CREBL2: variants seen among roughly 807,000 people sequenced by gnomAD.
CREBL2 encodes cAMP responsive element binding protein like 2.
CREBL2 carries 4 observed loss-of-function variants against 19.5 expected under a neutral mutation model. The observed-to-expected ratio is 0.20, with a 90% CI of 0.10 to 0.47. The LOEUF is 0.47. Among genes scored for constraint, CREBL2 ranks in the 20% least tolerant of loss-of-function variants. The pLI is 0.98. For synonymous variants in CREBL2, 42 were observed against 46.6 expected (o/e 0.90, Z 0.40); for missense variants, 85 against 145.1 (o/e 0.59, Z 2.13).
At position 12,643,740 on chromosome 12, in the gene CREBL2, CTA is replaced by C. The variant is rs919940425; in HGVS notation, c.*1744_*1745del. 4 of 152,072 alleles carry C rather than the reference CTA, an allele frequency of 2.6e-5. No individual in the cohort carries two copies. Among genetic ancestry groups the C allele is most frequent in the Non-Finnish European group, 5.9e-5 (4 of 68,018 alleles). 9.4% of individuals were successfully genotyped at this position (152,072 alleles called of 1,614,324 possible). A position where few individuals can be genotyped will look rare whatever the true frequency, so the allele number is the denominator to read the frequency against. On this transcript the variant is annotated 3_prime_UTR_variant, in exon 4 of 4. Coordinates refer to ENST00000228865, the MANE Select transcript of CREBL2 (RefSeq NM_001310.4). The stretch of plus-strand genomic sequence containing the variant: ...ACCACTAGCCCAGTTTGCTGGGTCT[CTA>C]TGTTTTGGAAGTTGGGGGTTTAATA...
chr12:12,618,318 G>T (rs1469882561), intron 1 of CREBL2, among the ~76,000 whole-genome samples: 1 of 151,994 alleles, frequency 6.6e-6, no homozygotes, highest in African/African-American at 2.4e-5. Flanking sequence ...CTCAGACGGG[G>T]CAGCCGGGCA....
intron 1 of CREBL2, among the ~76,000 whole-genome samples, chr12:12,632,847 C>T (rs951978036): frequency 6.6e-6 from 1 of 151,268 alleles, no homozygotes; most frequent in Admixed American, 6.6e-5. Context: ...ACTAGGTCAT[C>T]CTGCAATTGC....
At chr12:12,625,715 A>G (rs1945396569) in intron 1 of CREBL2, among the ~76,000 whole-genome samples, 2 of 152,204 alleles carry the variant, frequency 1.3e-5, no homozygotes. Flanking sequence ...ACATATCCTT[A>G]TCTGTGTCTA....
At chr12:12,614,870 T>C (rs1945297551) in intron 1 of CREBL2, 1 of 256,648 alleles carries the variant, frequency 3.9e-6, no homozygotes, top group South Asian at 3.9e-5. Flanking sequence ...TTTTTTTTTT[T>C]TTTTTGAGAT....
rs116901840 is a variant in CREBL2 at position 12,613,902 on chromosome 12, A to G, written c.15+1715A>G. The stretch of plus-strand genomic sequence containing the variant: ...GGGTAGCGTTCTAAAAGTTTTCCAG[A>G]AAAATCAGCAAGTAATTTTTTTTTT... On this transcript the variant is annotated intron_variant, in intron 1 of 3. Transcript: ENST00000228865. Among the ~76,000 whole-genome samples, 65 of 139,700 alleles carry G rather than the reference A, an allele frequency of 4.7e-4. No individual in the cohort carries two copies. In the East Asian group the frequency reaches 0.012, roughly 26 times the overall value. 91.6% of individuals were successfully genotyped at this position (139,700 alleles called of 152,430 possible).
chr12:12,637,161 T>C (rs1945481271), intron 2 of CREBL2, among the ~76,000 whole-genome samples: 1 of 152,124 alleles, frequency 6.6e-6, no homozygotes, highest in Non-Finnish European at 1.5e-5. Flanking sequence ...TGATCACTTG[T>C]TAAAGAGAGA....
chr12:12,623,096 CTTCT>C (rs1455660696), intron 1 of CREBL2, among the ~76,000 whole-genome samples: 12 of 86,178 alleles, frequency 1.4e-4, no homozygotes, highest in South Asian at 6.1e-4. Context: ...TTTGTAACAA[CTTCT>C]TTTTTTTTTT....
At chr12:12,616,028 C>G (rs1945309296) in intron 1 of CREBL2, 1 of 152,316 alleles carries the variant, frequency 6.6e-6, no homozygotes, top group African/African-American at 2.4e-5. Flanking sequence ...AACACTGTAT[C>G]TATTATCTTG....
intron 1 of CREBL2, among the ~76,000 whole-genome samples, chr12:12,627,844 A>G (rs1945414047): frequency 6.6e-6 from 1 of 152,198 alleles, no homozygotes; most frequent in Non-Finnish European, 1.5e-5. Flanking sequence ...ACAGCAATGT[A>G]TGAGGATTTC....
chr12:12,620,476 C>T (rs112625876), intron 1 of CREBL2, among the ~76,000 whole-genome samples: 2 of 152,072 alleles, frequency 1.3e-5, no homozygotes, highest in Non-Finnish European at 2.9e-5. Context: ...GCAATCTGCC[C>T]GCCTCTGCCT....
intron 1 of CREBL2, among the ~76,000 whole-genome samples, chr12:12,626,326 C>T (rs889149094): frequency 5.3e-5 from 8 of 152,160 alleles, no homozygotes; most frequent in African/African-American, 9.7e-5. Context: ...TTTTGTCTTT[C>T]GCTGTAATGG....
intron 1 of CREBL2, among the ~76,000 whole-genome samples, chr12:12,623,099 C>CTT (rs5796501): frequency 3.0e-4 from 35 of 117,650 alleles, no homozygotes; most frequent in African/African-American, 8.6e-4. Flanking sequence ...GTAACAACTT[C>CTT]TTTTTTTTTT....
chr12:12,636,154 G>GT (rs1736609390), intron 2 of CREBL2, among the ~76,000 whole-genome samples, 180 bp downstream of exon 2: 1 of 152,236 alleles, frequency 6.6e-6, no homozygotes, highest in South Asian at 2.1e-4. Flanking sequence ...GGAGCAGAGT[G>GT]TACGTGACTG....
At chr12:12,628,123 G>A (rs181906215) in intron 1 of CREBL2, among the ~76,000 whole-genome samples, 111 of 151,978 alleles carry the variant, frequency 7.3e-4, no homozygotes, top group Middle Eastern at 3.4e-3. Context: ...ATTATGATCC[G>A]CCCACCTCAG....
chr12:12,644,399 A>G lies in CREBL2; in HGVS notation c.*2401A>G, dbSNP rs1390770398. ...CCCCTCACCTTTTTGTGATGACAAG[A>G]TGGCTGACAGTCACGGAGTCCAGGA... On this transcript the variant is annotated 3_prime_UTR_variant, in exon 4 of 4. Coordinates refer to ENST00000228865, the MANE Select transcript of CREBL2 (RefSeq NM_001310.4). 2.6e-5 allele frequency: 4 copies of G among 152,458 alleles called. No individual in the cohort carries two copies. The highest frequency in any genetic ancestry group is 2.1e-4 in the South Asian group (1 of 4,836). The allele number at this position is 152,458 out of a possible 1,614,324, so 9.4% of individuals were successfully genotyped here.
At chr12:12,621,978 G>A (rs150460268) in intron 1 of CREBL2, among the ~76,000 whole-genome samples, 153 of 152,290 alleles carry the variant, frequency 1.0e-3, no homozygotes, top group African/African-American at 3.5e-3. Flanking sequence ...CAGACGGTCC[G>A]ATTATGAAAG....
chr12:12,618,267 T>G (rs1284448746), intron 1 of CREBL2, among the ~76,000 whole-genome samples: 2 of 151,480 alleles, frequency 1.3e-5, no homozygotes, highest in Non-Finnish European at 2.9e-5. Context: ...GCTCCTCACT[T>G]CCCAGACGGG....
chr12:12,624,938 G>A (rs1475261802), intron 1 of CREBL2, among the ~76,000 whole-genome samples: 2 of 152,184 alleles, frequency 1.3e-5, no homozygotes, highest in Non-Finnish European at 2.9e-5. Flanking sequence ...ACTGAAAAGG[G>A]GATGGGACTG....
chr12:12,622,052 T>C (rs1310730561), intron 1 of CREBL2, among the ~76,000 whole-genome samples: 1 of 152,224 alleles, frequency 6.6e-6, no homozygotes, highest in African/African-American at 2.4e-5. Context: ...ACTGTTGTGA[T>C]TTTGGACAGA....
Sources: gnomAD v4.1 joint callset for allele counts (sites outside exome capture counted in the v4.1 genomes callset) on GRCh38, gnomAD v4.1.1 for gene constraint, MANE v1.5 for transcripts, NCBI Gene and HGNC (gene_info 2026-07-23, HGNC 2026-07-21) for gene names.